Variants in PLBD1 observed in about 807,000 individuals in gnomAD.
PLBD1 encodes the protein phospholipase B domain containing 1.
PLBD1 carries 60 observed loss-of-function variants against 63.0 expected under a neutral mutation model. The ratio of observed to expected loss-of-function variants is 0.95; its 90% CI spans 0.77 to 1.18. The LOEUF is 1.18. Ranked by LOEUF, PLBD1 falls within the 50% of genes most tolerant of loss-of-function variation. PLBD1 has a pLI of 0.00. For synonymous variants in PLBD1, 262 were observed against 248.0 expected (o/e 1.06, Z -0.53); for missense variants, 598 against 677.9 (o/e 0.88, Z 1.31).
intron 6 of PLBD1, among the ~76,000 whole-genome samples, chr12:14,524,152 G>C (rs970506227): frequency 1.3e-5 from 2 of 152,086 alleles, no homozygotes; most frequent in African/African-American, 4.8e-5. Context: ...CCAGCAGCTG[G>C]GGAGGGTAGG....
intron 1 of PLBD1, among the ~76,000 whole-genome samples, chr12:14,555,970 GGTACTCA>G (rs759814184): frequency 2.0e-5 from 3 of 152,058 alleles, no homozygotes; most frequent in Non-Finnish European, 4.4e-5. Context: ...GCCCATAATG[GGTACTCA>G]ATAAATATTT....
intron 4 of PLBD1, 146 bp downstream of exon 4, chr12:14,540,618 T>G: frequency 4.8e-5 from 40 of 835,754 alleles, no homozygotes; most frequent in Non-Finnish European, 6.2e-5. Flanking sequence ...TGCTGCAATA[T>G]GAGAGCTATG....
chr12:14,549,849 G>A (rs1452897451), intron 2 of PLBD1, among the ~76,000 whole-genome samples: 1 of 152,010 alleles, frequency 6.6e-6, no homozygotes, highest in African/African-American at 2.4e-5. Context: ...TGTATTTTTA[G>A]TAGAGACGGG....
intron 4 of PLBD1, among the ~76,000 whole-genome samples, chr12:14,540,047 TATATATACACACAC>T (rs1945557118): frequency 2.1e-5 from 1 of 48,066 alleles, no homozygotes; most frequent in Admixed American, 2.5e-4. Flanking sequence ...TATATATATA[TATATATACACACAC>T]ACACTGGTCA....
At chr12:14,567,458 C>G (rs745512110) in intron 1 of PLBD1, 124 bp downstream of exon 1, 3 of 1,317,970 alleles carry the variant, frequency 2.3e-6, no homozygotes, top group Non-Finnish European at 2.9e-6. Flanking sequence ...AGGCGCGTTT[C>G]TCTGAGTTCA....
intron 6 of PLBD1, 136 bp downstream of exon 6, chr12:14,535,523 T>C: frequency 1.0e-6 from 1 of 967,494 alleles, no homozygotes; most frequent in Non-Finnish European, 1.5e-6. Context: ...TCAAAAGCCC[T>C]CTGAAAATCA....
At chr12:14,555,150 A>T (rs748103955) in intron 1 of PLBD1, among the ~76,000 whole-genome samples, 19 of 152,220 alleles carry the variant, frequency 1.2e-4, no homozygotes, top group Non-Finnish European at 2.5e-4. Context: ...CTGACCTTTA[A>T]TCCATTCTTC....
chr12:14,547,171 C>A (rs1592006905), intron 2 of PLBD1, among the ~76,000 whole-genome samples: 1 of 139,344 alleles, frequency 7.2e-6, no homozygotes. Flanking sequence ...TGAGCCACTG[C>A]ACCTGGCTTT....
intron 3 of PLBD1, among the ~76,000 whole-genome samples, chr12:14,541,453 G>T (rs1409311091): frequency 2.0e-5 from 3 of 152,170 alleles, no homozygotes; most frequent in Admixed American, 6.5e-5. Context: ...TTTTTTAATG[G>T]TCCTTTCACT....
At chr12:14,566,469 C>T (rs1013913432) in intron 1 of PLBD1, among the ~76,000 whole-genome samples, 1 of 152,110 alleles carries the variant, frequency 6.6e-6, no homozygotes, top group Non-Finnish European at 1.5e-5. Flanking sequence ...TGAAATAAGA[C>T]AAAATTAATT....
At chr12:14,532,440 C>T (rs76177736) in intron 6 of PLBD1, among the ~76,000 whole-genome samples, 3,747 of 152,180 alleles carry the variant, frequency 0.025, 172 homozygotes, top group African/African-American at 0.085. Flanking sequence ...TGCTGAAACC[C>T]GAGGGTAAGA....
At chr12:14,505,565 T>C (rs1311269358) in intron 10 of PLBD1, among the ~76,000 whole-genome samples, 1 of 152,218 alleles carries the variant, frequency 6.6e-6, no homozygotes, top group Non-Finnish European at 1.5e-5. Context: ...CAACTAACAA[T>C]TGGTTCCTGC....
intron 9 of PLBD1, 109 bp from the exon 10 acceptor site, chr12:14,506,377 C>G (rs1945256404): frequency 1.3e-6 from 1 of 750,248 alleles, no homozygotes; most frequent in East Asian, 2.8e-5. Context: ...AGAGTGTACT[C>G]CCACAGGCCT....
chr12:14,506,842 T>A, intron 9 of PLBD1, 91 bp downstream of exon 9: 3 of 1,127,150 alleles, frequency 2.7e-6, no homozygotes, highest in Non-Finnish European at 3.8e-6. Flanking sequence ...TAATTCCTTC[T>A]AGTACAGAGA....
At chr12:14,555,798 C>A (rs1945698483) in intron 1 of PLBD1, among the ~76,000 whole-genome samples, 1 of 152,194 alleles carries the variant, frequency 6.6e-6, no homozygotes, top group South Asian at 2.1e-4. Flanking sequence ...CAGGAAGCAG[C>A]ACCTCTGTTG....
intron 2 of PLBD1, among the ~76,000 whole-genome samples, chr12:14,552,266 A>G (rs1272157345): frequency 6.6e-6 from 1 of 152,210 alleles, no homozygotes; most frequent in African/African-American, 2.4e-5. Context: ...AATAAATTGC[A>G]ACTTTATTTT....
chr12:14,535,742 A>C lies in PLBD1; in HGVS notation c.761T>G (p.Met254Arg). Reference protein sequence around the residue: ...AHSSWYTYAAMLRIYKHWDFN... With the variant: ...AHSSWYTYAARLRIYKHWDFN... ...GTCCCAGTGTTTATATATCCTGAGC[A>C]TGGCTGCATACGTGTACCAGCTTGA... The change falls in exon 6 of 11, where the codon ATG (methionine) becomes AGG (arginine). Residue 254 changes from methionine (M) to arginine (R), a missense_variant. By Grantham distance (91) the Met-to-Arg change is moderately conservative. Transcript: ENST00000240617. 6.2e-7 allele frequency: 1 copy of C among 1,614,046 alleles called. No individual in the cohort carries two copies. The highest frequency in any genetic ancestry group is 1.1e-5 in the South Asian group (1 of 91,070).
chr12:14,544,574 T>C (rs1945602358), intron 2 of PLBD1, among the ~76,000 whole-genome samples: 1 of 152,218 alleles, frequency 6.6e-6, no homozygotes, highest in African/African-American at 2.4e-5. Context: ...AATAGGTCTA[T>C]ATCAGAGTTT....
At chr12:14,523,748 G>A (rs931816169) in intron 6 of PLBD1, among the ~76,000 whole-genome samples, 4 of 152,112 alleles carry the variant, frequency 2.6e-5, no homozygotes, top group Middle Eastern at 3.2e-3. Context: ...TTGATAAATG[G>A]TGCTTGGAAA....
Sources: allele counts gnomAD v4.1 joint callset (sites outside exome capture counted in the v4.1 genomes callset), GRCh38; gene constraint gnomAD v4.1.1; transcripts MANE v1.5; gene names NCBI Gene and HGNC (gene_info 2026-07-23, HGNC 2026-07-21).